Variants in RANBP2 observed in about 807,000 individuals in gnomAD.
RANBP2 encodes RAN binding protein 2, also known as E3 SUMO-protein ligase RanBP2.
A neutral mutation model predicts 303.6 loss-of-function variants in RANBP2; 57 were observed. The observed-to-expected ratio is 0.19, with a 90% CI of 0.15 to 0.23. The LOEUF is 0.23. Ranked by LOEUF, RANBP2 falls within the 10% of genes least tolerant of loss-of-function variation. The pLI is 1.00. For synonymous variants in RANBP2, 1,167 were observed against 1,301.5 expected (o/e 0.90, Z 2.23); for missense variants, 3,138 against 3,780.8 (o/e 0.83, Z 4.46).
the RANBP2 span, among the ~76,000 whole-genome samples, chr2:109,248,688 G>T: frequency 1.3e-5 from 2 of 152,032 alleles, no homozygotes; most frequent in African/African-American, 4.8e-5. Context: ...ATGAAGTACT[G>T]CATTTCTTTC....
chr2:108,872,864 T>G, the RANBP2 span, among the ~76,000 whole-genome samples: 84 of 152,352 alleles, frequency 5.5e-4, no homozygotes, highest in South Asian at 0.016. Flanking sequence ...AATAATTTAT[T>G]TCATCTAAAT....
chr2:109,215,934 G>A, the RANBP2 span, among the ~76,000 whole-genome samples: 24 of 152,330 alleles, frequency 1.6e-4, no homozygotes, highest in East Asian at 1.2e-3. Context: ...GGCTTCTACC[G>A]TGCCAGCGGC....
chr2:109,444,188 C>T, the RANBP2 span, among the ~76,000 whole-genome samples: 220 of 152,214 alleles, frequency 1.4e-3, 1 homozygote, highest in Middle Eastern at 6.8e-3. Context: ...GATATTATAA[C>T]GCATTTTGAG....
At chr2:108,947,350 G>A in the RANBP2 span, among the ~76,000 whole-genome samples, 5 of 152,194 alleles carry the variant, frequency 3.3e-5, no homozygotes, top group Non-Finnish European at 5.9e-5. Flanking sequence ...CATGGTGCAA[G>A]CTGTCGGTGG....
At chr2:108,877,308 A>G in the RANBP2 span, among the ~76,000 whole-genome samples, 1 of 151,362 alleles carries the variant, frequency 6.6e-6, no homozygotes, top group South Asian at 2.1e-4. Flanking sequence ...TCTCTACAAA[A>G]AAAAACAGAA....
the RANBP2 span, among the ~76,000 whole-genome samples, chr2:109,629,327 A>G: frequency 1.8e-4 from 2 of 10,828 alleles, no homozygotes; most frequent in African/African-American, 4.1e-4. Flanking sequence ...ATATATATAT[A>G]TATATATATA....
the RANBP2 span, among the ~76,000 whole-genome samples, chr2:109,038,742 G>A: frequency 3.3e-5 from 5 of 152,168 alleles, no homozygotes; most frequent in African/African-American, 1.2e-4. Flanking sequence ...TATAGCTTAA[G>A]ACAATCCTTA....
At chr2:108,906,198 G>T in the RANBP2 span, 2 of 1,137,820 alleles carry the variant, frequency 1.8e-6, no homozygotes, top group Non-Finnish European at 2.7e-6. Flanking sequence ...TGCGGCAACT[G>T]GATGGGCGGC....
At chr2:108,971,715 T>G in the RANBP2 span, among the ~76,000 whole-genome samples, 3 of 151,618 alleles carry the variant, frequency 2.0e-5, no homozygotes, top group South Asian at 2.1e-4. Context: ...TAAAGAGGAG[T>G]TGGCATTAGA....
At chr2:109,648,690 G>A in the RANBP2 span, among the ~76,000 whole-genome samples, 1 of 139,430 alleles carries the variant, frequency 7.2e-6, no homozygotes, top group Non-Finnish European at 1.5e-5. Context: ...GTCTTGCTCT[G>A]TTGCCCAGGC....
the RANBP2 span, among the ~76,000 whole-genome samples, chr2:109,125,096 A>C: frequency 6.6e-6 from 1 of 152,350 alleles, no homozygotes; most frequent in East Asian, 1.9e-4. Context: ...CAGGCAGTCA[A>C]GTCTGGGGTT....
the RANBP2 span, among the ~76,000 whole-genome samples, chr2:109,093,442 A>G: frequency 1.3e-5 from 2 of 151,642 alleles, no homozygotes; most frequent in Admixed American, 6.6e-5. Flanking sequence ...AAAAAAAAGA[A>G]AAAAGCAAAG....
At chr2:109,437,420 A>C in the RANBP2 span, among the ~76,000 whole-genome samples, 46 of 152,138 alleles carry the variant, frequency 3.0e-4, no homozygotes, top group South Asian at 9.6e-3. Context: ...TTGCCTTATC[A>C]TGTTACCCAT....
the RANBP2 span, among the ~76,000 whole-genome samples, chr2:109,679,189 A>C: frequency 6.6e-6 from 1 of 152,214 alleles, no homozygotes; most frequent in Non-Finnish European, 1.5e-5. Context: ...AAAATGTGGC[A>C]CTAAATAGAC....
the RANBP2 span, among the ~76,000 whole-genome samples, chr2:108,937,196 A>G: frequency 6.6e-6 from 1 of 152,034 alleles, no homozygotes; most frequent in Non-Finnish European, 1.5e-5. Flanking sequence ...ATAAGCAGCC[A>G]CTCTTCTTTA....
chr2:109,708,190 T>C, the RANBP2 span, among the ~76,000 whole-genome samples: 2 of 152,136 alleles, frequency 1.3e-5, no homozygotes, highest in Non-Finnish European at 2.9e-5. Context: ...AAACCCCATC[T>C]CTACAAAAAA....
At chr2:109,090,179 A>C in the RANBP2 span, among the ~76,000 whole-genome samples, 3 of 151,986 alleles carry the variant, frequency 2.0e-5, no homozygotes, top group Admixed American at 6.6e-5. Context: ...TTTTGTCCTG[A>C]AGGGCAACAG....
the RANBP2 span, among the ~76,000 whole-genome samples, chr2:109,489,723 G>A: frequency 7.9e-6 from 1 of 126,078 alleles, no homozygotes; most frequent in Non-Finnish European, 1.6e-5. Flanking sequence ...ACAAGTGTCG[G>A]ACAAGGTTTT....
At chr2:109,470,380 A>G in the RANBP2 span, among the ~76,000 whole-genome samples, 1 of 152,140 alleles carries the variant, frequency 6.6e-6, no homozygotes, top group East Asian at 1.9e-4. Flanking sequence ...GCTGGATCTC[A>G]ACAAGTCCCT....
Sources: gnomAD v4.1 joint callset for allele counts (sites outside exome capture counted in the v4.1 genomes callset) on GRCh38, gnomAD v4.1.1 for gene constraint, MANE v1.5 for transcripts, NCBI Gene and HGNC (gene_info 2026-07-23, HGNC 2026-07-21) for gene names.